Variants in LHCGR observed in about 807,000 individuals in gnomAD.
The protein encoded by LHCGR is lutropin-choriogonadotropic hormone receptor.
LHCGR carries 55 observed loss-of-function variants against 60.7 expected under a neutral mutation model. The ratio of observed to expected loss-of-function variants is 0.91; its 90% confidence interval spans 0.73 to 1.13. The LOEUF (loss-of-function observed/expected upper bound fraction) is 1.13, where lower values mean the gene tolerates loss of function less well. Ranked by LOEUF, LHCGR falls within the 50% of genes most tolerant of loss-of-function variation. The probability of loss-of-function intolerance (pLI) is 0.00; values close to 1 mark genes in which losing one functional copy is unlikely to be tolerated. For synonymous variants in LHCGR, 337 were observed against 316.5 expected (o/e 1.06, Z -0.69); for missense variants, 862 against 836.0 (o/e 1.03, Z -0.38).
At chr2:48,692,220 A>G (rs929115512) in intron 10 of LHCGR, among the ~76,000 whole-genome samples, 2 of 152,248 alleles carry the variant, frequency 1.3e-5, no homozygotes, top group African/African-American at 4.8e-5. Context: ...AAATTAGATG[A>G]AAACAGTCCA....
rs140526647 is a variant in LHCGR, at chr2:48,716,334, T to C, written c.537-2280A>G. Among the ~76,000 whole-genome samples, 229 of 152,318 alleles carry C rather than the reference T, an allele frequency of 1.5e-3. 1 individual carries two copies. The highest frequency in any genetic ancestry group is 3.3e-3 in the Admixed American group (51 of 15,296). ...GTTATGATTTATGGTAAGAAATTCA[T>C]CTTACATATTCTCATTTGGTCATCC... On this transcript the variant is annotated intron_variant, in intron 6 of 10. Transcript: ENST00000294954.
At chr2:48,736,299 C>A (rs553992931) in intron 1 of LHCGR, among the ~76,000 whole-genome samples, 1 of 152,270 alleles carries the variant, frequency 6.6e-6, no homozygotes, top group East Asian at 1.9e-4. Context: ...AGCCCCCTTG[C>A]CTCCGGGTGG....
intron 1 of LHCGR, among the ~76,000 whole-genome samples, chr2:48,751,550 A>C (rs150760148): frequency 9.3e-4 from 142 of 152,212 alleles, no homozygotes; most frequent in African/African-American, 3.3e-3. Context: ...CTTTCTCTCT[A>C]CACCTATACC....
intron 10 of LHCGR, among the ~76,000 whole-genome samples, chr2:48,690,617 T>C (rs115766114): frequency 2.6e-5 from 4 of 152,326 alleles, no homozygotes; most frequent in African/African-American, 9.6e-5. Flanking sequence ...CACTCCTCTG[T>C]CTTTGTACGT....
chr2:48,743,749 C>CA lies in LHCGR; in HGVS notation c.161+11761dup, dbSNP rs540752189. Reference sequence around the variant, plus strand: ...CACAGCCAATATCATACTGAATGGGCAAAAACTGGAAGCATTCCCTTTGAA... The same window carrying CA: ...CACAGCCAATATCATACTGAATGGGCAAAAAACTGGAAGCATTCCCTTTGAA... On this transcript the variant is annotated intron_variant, in intron 1 of 10. Transcript: ENST00000294954. Among the ~76,000 whole-genome samples the CA allele has an allele frequency of 5.9e-3, 903 of 152,084 alleles. 10 individuals carry two copies. The highest frequency in any genetic ancestry group is 0.02 in the African/African-American group (838 of 41,478).
intron 8 of LHCGR, among the ~76,000 whole-genome samples, chr2:48,703,355 A>G (rs2104404511): frequency 6.6e-6 from 1 of 152,308 alleles, no homozygotes; most frequent in Non-Finnish European, 1.5e-5. Flanking sequence ...GCCCATGCCT[A>G]TGTCCTGAAC....
intron 6 of LHCGR, among the ~76,000 whole-genome samples, chr2:48,721,968 G>A (rs1389039427): frequency 6.6e-6 from 1 of 152,148 alleles, no homozygotes; most frequent in Non-Finnish European, 1.5e-5. Flanking sequence ...TGTCCAACAT[G>A]GTGAAATCCT....
In LHCGR at chr2:48,752,040, A is replaced by G. The variant is rs1038296924; in HGVS notation, c.161+3471T>C. 3.3e-5 allele frequency among the ~76,000 whole-genome samples: 5 copies of G among 152,362 alleles called. No individual in the cohort carries two copies. The East Asian group carries it at 9.6e-4, about 29-fold the overall frequency. On this transcript the variant is annotated intron_variant, in intron 1 of 10. Coordinates refer to ENST00000294954, the MANE Select transcript of LHCGR (RefSeq NM_000233.4). The stretch of plus-strand genomic sequence containing the variant: ...TCCTCTTTCCAGTTGCCTAGAACTA[A>G]TAAGAAAGGAAAGGAAATTTTTTAA...
rs967263456 is a variant in LHCGR, at chr2:48,752,114, G to A, written c.161+3397C>T. Among the ~76,000 whole-genome samples, 9 of 152,084 alleles carry A rather than the reference G, an allele frequency of 5.9e-5. No homozygotes were observed. In the South Asian group the frequency reaches 1.9e-3, roughly 32 times the overall value. ...CCCCAATTAAAGTGAGTGAAATGTG[G>A]GAGGTTATATTTTGTATCACATTTT... is the stretch of plus-strand genomic sequence containing the variant. On this transcript the variant is annotated intron_variant, in intron 1 of 10. Coordinates refer to ENST00000294954, the MANE Select transcript of LHCGR (RefSeq NM_000233.4).
chr2:48,729,832 A>T (rs1035186938), intron 2 of LHCGR, among the ~76,000 whole-genome samples: 1 of 152,170 alleles, frequency 6.6e-6, no homozygotes, highest in African/African-American at 2.4e-5. Flanking sequence ...CAAACTGAGG[A>T]CAAAGAGTAT....
At position 48,755,525 on chromosome 2, in the gene LHCGR, G is replaced by A. The variant is rs1209432761; in HGVS notation, c.147C>T (p.Ala49=). 2.6e-6 allele frequency: 4 copies of A among 1,541,096 alleles called. No individual in the cohort carries two copies. The highest frequency in any genetic ancestry group is 1.4e-5 in the African/African-American group (1 of 72,770). Residue 49 remains alanine (A), a synonymous_variant, in exon 1 of 11, where the codon GCC becomes GCT. Coordinates refer to ENST00000294954, the MANE Select transcript of LHCGR (RefSeq NM_000233.4). The stretch of plus-strand genomic sequence containing the variant: ...TGTGTACTCACAGTCGAGTGAGACC[G>A]GCCGTGGGGCCGGGGCAGCGCAGGG... ...DGALRCPGPT[A]GLTRLSLAYL... is the part of the protein sequence containing the mutation.
Position 48,723,437 on chromosome 2 carries a change from A to C in LHCGR, c.536+19T>G, listed in dbSNP as rs752959379. 6.4e-7 allele frequency: 1 copy of C among 1,571,246 alleles called. No individual in the cohort carries two copies. Among genetic ancestry groups the C allele is most frequent in the Admixed American group, 1.7e-5 (1 of 59,944 alleles). On this transcript the variant is annotated intron_variant, in intron 6 of 10. Coordinates refer to ENST00000294954, the MANE Select transcript of LHCGR (RefSeq NM_000233.4). ...GCAGGAGGCTGTATGGCAGAACACA[A>C]ATCTGGGAGTTTACTCACAGTGTTA...
At chr2:48,753,615 T>C (rs1371362341) in intron 1 of LHCGR, among the ~76,000 whole-genome samples, 23 of 152,076 alleles carry the variant, frequency 1.5e-4, no homozygotes, top group Admixed American at 1.5e-3. Context: ...CAGGAGAAAG[T>C]GGGATTTTTA....
At chr2:48,741,972 G>T (rs1484307101) in intron 1 of LHCGR, among the ~76,000 whole-genome samples, 2 of 152,052 alleles carry the variant, frequency 1.3e-5, no homozygotes, top group Non-Finnish European at 2.9e-5. Context: ...ACACACATAG[G>T]TTCAAAATAA....
intron 8 of LHCGR, among the ~76,000 whole-genome samples, 165 bp from the exon 9 acceptor site, chr2:48,698,965 C>T (rs1311087614): frequency 1.3e-5 from 2 of 152,056 alleles, no homozygotes; most frequent in Admixed American, 1.3e-4. Context: ...CCTCAGCCTC[C>T]CGAGTCGCTG....
intron 7 of LHCGR, among the ~76,000 whole-genome samples, chr2:48,709,810 C>T (rs142078769): frequency 6.6e-6 from 1 of 152,280 alleles, no homozygotes; most frequent in African/African-American, 2.4e-5. Flanking sequence ...CCTTTCTGGG[C>T]CCTGACACTG....
At chr2:48,731,682 A>G (rs914200325) in intron 1 of LHCGR, among the ~76,000 whole-genome samples, 7 of 152,214 alleles carry the variant, frequency 4.6e-5, no homozygotes, top group African/African-American at 1.4e-4. Context: ...ATTAATCAGG[A>G]TAATCCATGT....
chr2:48,740,948 A>C (rs532898776), intron 1 of LHCGR, among the ~76,000 whole-genome samples: 1 of 152,174 alleles, frequency 6.6e-6, no homozygotes, highest in Non-Finnish European at 1.5e-5. Flanking sequence ...TTTGAAAAAA[A>C]TTTAGAAGAA....
At chr2:48,723,196 A>C (rs1250540492) in intron 6 of LHCGR, among the ~76,000 whole-genome samples, 1 of 152,146 alleles carries the variant, frequency 6.6e-6, no homozygotes, top group Non-Finnish European at 1.5e-5. Flanking sequence ...TGCAGTGAAC[A>C]ATTTCATAAG....
Sources: gnomAD v4.1 joint callset for allele counts (sites outside exome capture counted in the v4.1 genomes callset) on GRCh38, gnomAD v4.1.1 for gene constraint, MANE v1.5 for transcripts, NCBI Gene and HGNC (gene_info 2026-07-23, HGNC 2026-07-21) for gene names.